Variants in CDH13 observed in about 807,000 individuals in gnomAD.
CDH13 encodes the protein cadherin-13.
CDH13 carries 24 observed loss-of-function variants against 63.8 expected under a neutral mutation model. That is an observed-to-expected ratio of 0.38 (90% CI 0.27 to 0.53). CDH13 has a LOEUF of 0.53. CDH13 is among the 20% of genes least tolerant of loss of function. The probability of loss-of-function intolerance (pLI) is 0.85; values close to 1 mark genes in which losing one functional copy is unlikely to be tolerated. For missense variants in CDH13, 1,049 were observed against 903.1 expected, an observed-to-expected ratio of 1.16 and a Z score of -2.07; for synonymous variants, 503 against 355.3, an observed-to-expected ratio of 1.42 and a Z score of -4.67.
intron 7 of CDH13, among the ~76,000 whole-genome samples, chr16:83,528,110 C>G (rs1451047630): frequency 6.6e-6 from 1 of 152,202 alleles, no homozygotes; most frequent in East Asian, 1.9e-4. Context: ...CTGTATATCC[C>G]AAACTCACAC....
At chr16:83,021,532 G>A (rs1458835016) in intron 2 of CDH13, among the ~76,000 whole-genome samples, 1 of 152,184 alleles carries the variant, frequency 6.6e-6, no homozygotes, top group African/African-American at 2.4e-5. Flanking sequence ...TGTGGCCTCT[G>A]TCTTTTTCCA....
At chr16:82,635,680 C>T (rs541448307) in intron 1 of CDH13, among the ~76,000 whole-genome samples, 5 of 152,242 alleles carry the variant, frequency 3.3e-5, no homozygotes, top group South Asian at 2.1e-4. Flanking sequence ...GATTCAGGAA[C>T]GACGGTGCAG....
intron 6 of CDH13, among the ~76,000 whole-genome samples, chr16:83,469,622 G>A (rs1251073412): frequency 6.6e-6 from 1 of 152,168 alleles, no homozygotes; most frequent in Non-Finnish European, 1.5e-5. Flanking sequence ...AATTCTGTGT[G>A]TAAGCATCTC....
At chr16:82,955,522 G>T (rs1358684327) in intron 2 of CDH13, among the ~76,000 whole-genome samples, 3 of 152,102 alleles carry the variant, frequency 2.0e-5, no homozygotes, top group Non-Finnish European at 4.4e-5. Flanking sequence ...AAACATTTTT[G>T]GCCTGCAGTT....
intron 7 of CDH13, among the ~76,000 whole-genome samples, chr16:83,525,563 C>G (rs893013392): frequency 2.2e-4 from 33 of 152,210 alleles, no homozygotes; most frequent in African/African-American, 2.2e-4. Flanking sequence ...CAGTTCCTTC[C>G]CCAGACCTTG....
At chr16:83,725,882 G>C (rs1910325951) in intron 10 of CDH13, 1 of 152,208 alleles carries the variant, frequency 6.6e-6, no homozygotes, top group Non-Finnish European at 1.5e-5. Flanking sequence ...CTTTGGAACT[G>C]ATAAATGGAT....
At chr16:83,273,668 A>G (rs2088894553) in intron 5 of CDH13, among the ~76,000 whole-genome samples, 1 of 152,240 alleles carries the variant, frequency 6.6e-6, no homozygotes, top group Non-Finnish European at 1.5e-5. Context: ...AGGGGTACAT[A>G]AAAGTGAAGA....
intron 5 of CDH13, among the ~76,000 whole-genome samples, chr16:83,336,530 A>G (rs948829957): frequency 3.3e-5 from 5 of 152,192 alleles, no homozygotes; most frequent in African/African-American, 9.7e-5. Flanking sequence ...ACGGAGTCAC[A>G]TTGTGTTAGA....
intron 2 of CDH13, among the ~76,000 whole-genome samples, chr16:83,029,376 A>C (rs1916098394): frequency 6.6e-6 from 1 of 152,216 alleles, no homozygotes; most frequent in African/African-American, 2.4e-5. Context: ...TCCTAGCAAC[A>C]ATATTTGGAG....
intron 7 of CDH13, among the ~76,000 whole-genome samples, chr16:83,584,674 A>T (rs142575337): frequency 2.2e-3 from 338 of 152,332 alleles, no homozygotes; most frequent in Non-Finnish European, 4.2e-3. Context: ...ATGTAGTGTT[A>T]TGATGCTGAG....
intron 1 of CDH13, among the ~76,000 whole-genome samples, chr16:82,717,649 C>G (rs1030766507): frequency 6.6e-6 from 1 of 152,180 alleles, no homozygotes; most frequent in Non-Finnish European, 1.5e-5. Flanking sequence ...CCTTTTGTGT[C>G]CAATATTCCT....
chr16:82,641,686 C>G (rs963461898), intron 1 of CDH13, among the ~76,000 whole-genome samples: 3 of 152,218 alleles, frequency 2.0e-5, no homozygotes, highest in Admixed American at 6.5e-5. Flanking sequence ...TGGAGGCTGT[C>G]TAAACAGTTA....
intron 8 of CDH13, among the ~76,000 whole-genome samples, chr16:83,645,647 C>A (rs1178869767): frequency 6.6e-6 from 1 of 152,022 alleles, no homozygotes; most frequent in Non-Finnish European, 1.5e-5. Flanking sequence ...CAGCAAAGCC[C>A]CTTCCCCATC....
chr16:82,682,582 G>A (rs1011086560), intron 1 of CDH13, among the ~76,000 whole-genome samples: 7 of 152,198 alleles, frequency 4.6e-5, no homozygotes, highest in Non-Finnish European at 7.3e-5. Context: ...ATTAAGTAAA[G>A]AGAGAGTGAA....
At chr16:83,763,599 T>C (rs1914150540) in intron 11 of CDH13, among the ~76,000 whole-genome samples, 1 of 152,140 alleles carries the variant, frequency 6.6e-6, no homozygotes, top group African/African-American at 2.4e-5. Flanking sequence ...ATTATTTAGA[T>C]TGATTCTACT....
rs563555832 is a variant in CDH13 at position 83,446,087 on chromosome 16, G to A, written c.782-40390G>A. On this transcript the variant is annotated intron_variant, in intron 6 of 13. Transcript: ENST00000567109. ...GCTGAGGTGGGGGGGCAGATTACAGGAGGTCAGGAGTTCAAGACCAGCATG... is the reference window on the plus strand; with the variant it reads ...GCTGAGGTGGGGGGGCAGATTACAGAAGGTCAGGAGTTCAAGACCAGCATG... Among the ~76,000 whole-genome samples the A allele has an allele frequency of 9.2e-5, 14 of 152,164 alleles. No individual in the cohort carries two copies. In the East Asian group the frequency reaches 2.1e-3, roughly 23 times the overall value.
At chr16:83,434,374 G>A (rs2072220776) in intron 6 of CDH13, among the ~76,000 whole-genome samples, 2 of 152,214 alleles carry the variant, frequency 1.3e-5, no homozygotes, top group South Asian at 2.1e-4. Context: ...GAGATGACAT[G>A]CAAGATGACT....
chr16:83,000,921 C>A (rs1912855873), intron 2 of CDH13, among the ~76,000 whole-genome samples: 2 of 152,194 alleles, frequency 1.3e-5, no homozygotes, highest in African/African-American at 2.4e-5. Flanking sequence ...GGACAGCTTA[C>A]TCATTCTATG....
intron 6 of CDH13, among the ~76,000 whole-genome samples, chr16:83,408,304 G>A (rs528918135): frequency 1.3e-5 from 2 of 152,192 alleles, no homozygotes; most frequent in African/African-American, 4.8e-5. Context: ...ATACAGTCAC[G>A]TGTCACTCAA....
Sources: allele counts gnomAD v4.1 joint callset (sites outside exome capture counted in the v4.1 genomes callset), GRCh38; gene constraint gnomAD v4.1.1; transcripts MANE v1.5; gene names NCBI Gene and HGNC (gene_info 2026-07-23, HGNC 2026-07-21).